AGBL4: variants seen among roughly 807,000 people sequenced by gnomAD.
AGBL4 encodes the protein cytosolic carboxypeptidase 6.
Under a neutral mutation model 66.4 loss-of-function variants are expected in AGBL4, and 58 were observed. The ratio of observed to expected loss-of-function variants is 0.87; its 90% CI spans 0.71 to 1.09. The LOEUF (loss-of-function observed/expected upper bound fraction) is 1.09. AGBL4 is among the 50% of genes least tolerant of loss of function. The pLI is 0.00. For missense variants in AGBL4, 579 were observed against 631.0 expected, an observed-to-expected ratio of 0.92 and a Z score of 0.88; for synonymous variants, 234 against 222.9, an observed-to-expected ratio of 1.05 and a Z score of -0.44.
At chr1:48,818,667 C>A (rs1646242298) in intron 6 of AGBL4, among the ~76,000 whole-genome samples, 1 of 151,720 alleles carries the variant, frequency 6.6e-6, no homozygotes, top group Non-Finnish European at 1.5e-5. Context: ...TGGTTATGAA[C>A]AACTATATAT....
At chr1:49,396,037 C>CTGGAT in intron 3 of AGBL4, among the ~76,000 whole-genome samples, 1 of 151,130 alleles carries the variant, frequency 6.6e-6, no homozygotes, top group Non-Finnish European at 1.5e-5. Flanking sequence ...CCAAATTATC[C>CTGGAT]AGTAACCAGA....
intron 2 of AGBL4, chr1:49,845,975 C>T (rs181259983): frequency 2.7e-5 from 43 of 1,574,496 alleles, no homozygotes; most frequent in African/African-American, 5.4e-5. Context: ...CAAACATCAG[C>T]GAAACCACAC....
intron 1 of AGBL4, among the ~76,000 whole-genome samples, chr1:49,911,439 T>G (rs1043146374): frequency 6.6e-6 from 1 of 152,174 alleles, no homozygotes; most frequent in African/African-American, 2.4e-5. Flanking sequence ...TCTATGGATA[T>G]AGATACTACA....
At chr1:49,657,461 C>A (rs1189706425) in intron 3 of AGBL4, among the ~76,000 whole-genome samples, 1 of 152,072 alleles carries the variant, frequency 6.6e-6, no homozygotes, top group Non-Finnish European at 1.5e-5. Context: ...CAATGCCATC[C>A]CCATCAAGCT....
In AGBL4 at chr1:48,983,718, TCC is replaced by T. The variant is rs1224322572; in HGVS notation, c.594+61864_594+61865del. Among the ~76,000 whole-genome samples the T allele has an allele frequency of 3.9e-5, 6 of 152,156 alleles. No individual in the cohort carries two copies. In the East Asian group the frequency reaches 1.2e-3, roughly 29 times the overall value. ...GGTTCAGCCACTTACTAGCTGTGAGTCCCTGGGCAAATTAATTAATCTCTGTG... is the reference window on the plus strand; with the variant it reads ...GGTTCAGCCACTTACTAGCTGTGAGTCTGGGCAAATTAATTAATCTCTGTG... On this transcript the variant is annotated intron_variant, in intron 5 of 13. Transcript: ENST00000371839.
chr1:48,797,872 T>G (rs1285281461), intron 6 of AGBL4, among the ~76,000 whole-genome samples: 1 of 152,202 alleles, frequency 6.6e-6, no homozygotes. Flanking sequence ...CTTTATCCAC[T>G]CATTGGTTGA....
chr1:49,301,053 G>T lies in AGBL4; in HGVS notation c.283-55189C>A, dbSNP rs1000401525. Among the ~76,000 whole-genome samples the T allele has an allele frequency of 2.0e-5, 3 of 152,230 alleles. No individual in the cohort carries two copies. In the South Asian group the frequency reaches 6.2e-4, roughly 32 times the overall value. ...AGGACAAGGAGCATGTCTTGTTTGT[G>T]GCATATAATATGTGCTAACATAATG... On this transcript the variant is annotated intron_variant, in intron 3 of 13. Transcript: ENST00000371839.
At chr1:49,754,046 AC>A (rs1210908651) in intron 2 of AGBL4, among the ~76,000 whole-genome samples, 2 of 151,996 alleles carry the variant, frequency 1.3e-5, no homozygotes, top group African/African-American at 4.8e-5. Flanking sequence ...TTTTGTTATT[AC>A]CCACATTCTG....
intron 2 of AGBL4, chr1:49,842,210 G>T (rs979914326): frequency 2.3e-6 from 1 of 433,160 alleles, no homozygotes; most frequent in Admixed American, 2.9e-5. Context: ...CAGCCAGGAG[G>T]AGTGGAGGCA....
intron 3 of AGBL4, among the ~76,000 whole-genome samples, chr1:49,418,384 T>C (rs1372278204): frequency 2.0e-5 from 3 of 152,186 alleles, no homozygotes; most frequent in African/African-American, 7.2e-5. Context: ...GCTATGGTTA[T>C]AAAAATGAAT....
At chr1:49,834,084 T>A (rs2148023122) in intron 2 of AGBL4, among the ~76,000 whole-genome samples, 1 of 152,276 alleles carries the variant, frequency 6.6e-6, no homozygotes, top group South Asian at 2.1e-4. Flanking sequence ...GTATCAGGAT[T>A]ATGATGACCT....
chr1:48,919,533 A>G (rs1474969026), intron 5 of AGBL4, among the ~76,000 whole-genome samples: 2 of 152,228 alleles, frequency 1.3e-5, no homozygotes, highest in African/African-American at 4.8e-5. Context: ...CAAGTCTACA[A>G]AGAGCTCACA....
intron 9 of AGBL4, among the ~76,000 whole-genome samples, chr1:48,628,130 G>A (rs1159657392): frequency 6.6e-6 from 1 of 152,204 alleles, no homozygotes; most frequent in African/African-American, 2.4e-5. Context: ...AGTACAGAAA[G>A]GTGCTGAATG....
intron 4 of AGBL4, among the ~76,000 whole-genome samples, chr1:49,082,729 A>C (rs530036887): frequency 2.6e-5 from 4 of 152,260 alleles, no homozygotes; most frequent in Admixed American, 1.3e-4. Flanking sequence ...AAAACCAATC[A>C]TGCCTTCCAA....
intron 3 of AGBL4, among the ~76,000 whole-genome samples, chr1:49,674,849 T>C: frequency 6.6e-6 from 1 of 152,110 alleles, no homozygotes; most frequent in East Asian, 1.9e-4. Context: ...CAATGTCAAA[T>C]CACAAAATAG....
intron 2 of AGBL4, among the ~76,000 whole-genome samples, chr1:49,793,935 T>C (rs1644668486): frequency 6.6e-6 from 1 of 151,866 alleles, no homozygotes; most frequent in African/African-American, 2.4e-5. Flanking sequence ...AGAAGACTGA[T>C]TCAAGAAAGA....
chr1:48,557,118 A>G (rs1644332857), intron 11 of AGBL4, among the ~76,000 whole-genome samples: 1 of 152,094 alleles, frequency 6.6e-6, no homozygotes, highest in Admixed American at 6.5e-5. Flanking sequence ...CCAGGTTACC[A>G]AGTTCTGTGA....
chr1:49,852,641 A>C (rs922551264), intron 1 of AGBL4, among the ~76,000 whole-genome samples: 2 of 152,168 alleles, frequency 1.3e-5, no homozygotes, highest in African/African-American at 4.8e-5. Flanking sequence ...CAAAAGTGAG[A>C]GGAAGAGGAA....
intron 6 of AGBL4, among the ~76,000 whole-genome samples, chr1:48,803,639 T>G (rs1645858136): frequency 6.6e-6 from 1 of 152,222 alleles, no homozygotes; most frequent in African/African-American, 2.4e-5. Context: ...CACTAAGGTC[T>G]GAGGTAAAAT....
Sources: gnomAD v4.1 joint callset for allele counts (sites outside exome capture counted in the v4.1 genomes callset) on GRCh38, gnomAD v4.1.1 for gene constraint, MANE v1.5 for transcripts, NCBI Gene and HGNC (gene_info 2026-07-23, HGNC 2026-07-21) for gene names.